The following PTPRJ variants were observed in gnomAD, a reference collection of about 807,000 sequenced individuals.
PTPRJ encodes the protein protein tyrosine phosphatase receptor type J.
In PTPRJ, 129 loss-of-function variants were observed where a neutral mutation model predicts 141.3. The observed-to-expected ratio is 0.91, with a 90% CI of 0.79 to 1.06. The LOEUF (loss-of-function observed/expected upper bound fraction) is 1.06, where lower values mean the gene tolerates loss of function less well. PTPRJ is among the 50% of genes least tolerant of loss of function. The pLI is 0.00. For synonymous variants in PTPRJ, 610 were observed against 640.5 expected, an observed-to-expected ratio of 0.95 and a Z score of 0.72; for missense variants, 1,601 against 1,679.7, an observed-to-expected ratio of 0.95 and a Z score of 0.82.
intron 1 of PTPRJ, among the ~76,000 whole-genome samples, chr11:48,033,131 G>T (rs562888554): frequency 2.0e-4 from 30 of 152,246 alleles, no homozygotes; most frequent in Admixed American, 5.2e-4. Flanking sequence ...AGGGAATACA[G>T]CGTGTTGAGG....
At chr11:48,104,563 C>G (rs1856239641) in intron 1 of PTPRJ, among the ~76,000 whole-genome samples, 1 of 152,192 alleles carries the variant, frequency 6.6e-6, no homozygotes, top group Admixed American at 6.5e-5. Context: ...TATTCAGTCA[C>G]TTATTACCCA....
At chr11:48,024,960 A>C (rs1411335808) in intron 1 of PTPRJ, among the ~76,000 whole-genome samples, 1 of 152,234 alleles carries the variant, frequency 6.6e-6, no homozygotes, top group Non-Finnish European at 1.5e-5. Flanking sequence ...AAGGTATATT[A>C]AATTTCTTCT....
chr11:47,980,626 C>T lies in PTPRJ; in HGVS notation c.-287C>T. On this transcript the variant is annotated 5_prime_UTR_variant, in exon 1 of 25. Transcript: ENST00000418331. ...CGCGGGAGCCGGGACCGGGTAGCCG[C>T]GCGCTGGGGGTGGGCGCCGCTCGCT... is the stretch of plus-strand genomic sequence containing the variant. The T allele has an allele frequency of 2.0e-6, 2 of 983,854 alleles. No individual in the cohort carries two copies. Among genetic ancestry groups the T allele is most frequent in the Non-Finnish European group, 2.4e-6 (2 of 829,884 alleles). The allele number at this position is 983,854 out of a possible 1,614,324, so 60.9% of individuals were successfully genotyped here. A position where few individuals can be genotyped will look rare whatever the true frequency, so the allele number is the denominator to read the frequency against.
chr11:48,046,910 ATATT>A (rs1223841152), intron 1 of PTPRJ, among the ~76,000 whole-genome samples: 4 of 87,086 alleles, frequency 4.6e-5, no homozygotes, highest in East Asian at 3.0e-4. Flanking sequence ...ATATATATAT[ATATT>A]TTTTTTTTTT....
intron 7 of PTPRJ, among the ~76,000 whole-genome samples, chr11:48,129,312 C>T (rs56143324): frequency 0.031 from 4,666 of 152,250 alleles, 108 homozygotes; most frequent in Non-Finnish European, 0.047. Flanking sequence ...ATTAAGGCAA[C>T]GGCAGGTGTG....
At chr11:48,001,341 A>G (rs1436870294) in intron 1 of PTPRJ, among the ~76,000 whole-genome samples, 1 of 144,878 alleles carries the variant, frequency 6.9e-6, no homozygotes, top group East Asian at 2.1e-4. Flanking sequence ...TTGCAGTGAC[A>G]GCCCCAAAGT....
intron 1 of PTPRJ, among the ~76,000 whole-genome samples, chr11:48,030,981 G>T (rs1853965174): frequency 1.3e-5 from 2 of 152,136 alleles, no homozygotes; most frequent in Non-Finnish European, 2.9e-5. Flanking sequence ...AGGAGGAAGA[G>T]ACTGGATGTT....
chr11:48,068,753 T>C (rs1007577202), intron 1 of PTPRJ, among the ~76,000 whole-genome samples: 1 of 152,198 alleles, frequency 6.6e-6, no homozygotes, highest in Non-Finnish European at 1.5e-5. Context: ...GCACGGAATC[T>C]GGCCCTGCCC....
In PTPRJ at chr11:48,125,111, C is replaced by T. The variant is rs142177730; in HGVS notation, c.1018C>T (p.Arg340Ter). ...VLLVGLEPGT[R>*]YNATVYSQAA... ...GCTTGTCGGGTTAGAGCCTGGCACC[C>T]GATACAATGCCACCGTTTATTCCCA... is the stretch of plus-strand genomic sequence containing the variant. The change falls in exon 6 of 25, where the codon CGA (arginine) becomes TGA (stop). Residue 340 changes from arginine to a stop codon, truncating the protein, a stop_gained. Transcript: ENST00000418331. LOFTEE classifies it high-confidence loss of function. 5.0e-6 allele frequency: 8 copies of T among 1,614,000 alleles called. No homozygotes were observed. The highest frequency in any genetic ancestry group is 5.9e-6 in the Non-Finnish European group (7 of 1,180,020).
chr11:47,988,367 C>G (rs1366893281), intron 1 of PTPRJ, among the ~76,000 whole-genome samples: 1 of 151,372 alleles, frequency 6.6e-6, no homozygotes, highest in African/African-American at 2.4e-5. Context: ...GAGACACGGT[C>G]TCAGTTTGTA....
At chr11:48,062,088 T>G (rs1035378882) in intron 1 of PTPRJ, among the ~76,000 whole-genome samples, 9 of 149,662 alleles carry the variant, frequency 6.0e-5, no homozygotes, top group Admixed American at 2.0e-4. Flanking sequence ...TTTTTTTTGG[T>G]GGGTTTTGCT....
intron 1 of PTPRJ, among the ~76,000 whole-genome samples, chr11:48,067,165 G>T (rs1855108548): frequency 6.6e-6 from 1 of 152,180 alleles, no homozygotes; most frequent in Non-Finnish European, 1.5e-5. Context: ...TCTGGAGAGA[G>T]AAGGGATTAG....
At chr11:48,162,358 C>G (rs562407032) in intron 22 of PTPRJ, among the ~76,000 whole-genome samples, 1 of 150,428 alleles carries the variant, frequency 6.6e-6, no homozygotes, top group Non-Finnish European at 1.5e-5. Flanking sequence ...TCCCCTTGCC[C>G]GCTCCCACTC....
intron 1 of PTPRJ, among the ~76,000 whole-genome samples, chr11:48,027,814 A>G (rs927400917): frequency 4.6e-5 from 7 of 151,388 alleles, no homozygotes; most frequent in Middle Eastern, 3.4e-3. Flanking sequence ...AAAAAAAAAA[A>G]AAAAAAAATC....
chr11:48,100,721 A>G (rs1315990553), intron 1 of PTPRJ, among the ~76,000 whole-genome samples: 2 of 152,068 alleles, frequency 1.3e-5, no homozygotes, highest in Non-Finnish European at 2.9e-5. Context: ...TGTCTCTACT[A>G]AATACAAAAA....
intron 5 of PTPRJ, among the ~76,000 whole-genome samples, chr11:48,124,342 C>T (rs1290373130): frequency 6.6e-6 from 1 of 152,226 alleles, no homozygotes; most frequent in Non-Finnish European, 1.5e-5. Context: ...AGGATCCTTG[C>T]TTGCGAGTGA....
chr11:47,997,672 C>T (rs1335412982), intron 1 of PTPRJ, among the ~76,000 whole-genome samples: 1 of 152,134 alleles, frequency 6.6e-6, no homozygotes, highest in African/African-American at 2.4e-5. Context: ...CTAAGCTCTG[C>T]TGCAAGGGAT....
intron 3 of PTPRJ, among the ~76,000 whole-genome samples, chr11:48,119,018 C>CAA (rs59349969): frequency 0.03 from 2,577 of 85,734 alleles, 82 homozygotes; most frequent in African/African-American, 0.068. Context: ...GACTTCGTCT[C>CAA]AAAAAAAAAA....
chr11:48,005,241 A>G (rs1217148414), intron 1 of PTPRJ, among the ~76,000 whole-genome samples: 5 of 151,824 alleles, frequency 3.3e-5, no homozygotes. Flanking sequence ...AAAAGCATAC[A>G]GTTCAGTTGT....
Sources: allele counts gnomAD v4.1 joint callset (sites outside exome capture counted in the v4.1 genomes callset), GRCh38; gene constraint gnomAD v4.1.1; transcripts MANE v1.5; gene names NCBI Gene and HGNC (gene_info 2026-07-23, HGNC 2026-07-21).